CARMIL1: variants seen among roughly 807,000 people sequenced by gnomAD.
CARMIL1 encodes capping protein regulator and myosin 1 linker 1, also known as F-actin-uncapping protein LRRC16A.
In CARMIL1, 90 loss-of-function variants were observed where a neutral mutation model predicts 177.1. The observed-to-expected ratio is 0.51, with a 90% CI of 0.43 to 0.61. The LOEUF (loss-of-function observed/expected upper bound fraction) is 0.61. Among genes scored for constraint, CARMIL1 ranks in the 20% least tolerant of loss-of-function variants. The probability of loss-of-function intolerance (pLI) is 0.00; values close to 1 mark genes in which losing one functional copy is unlikely to be tolerated. For missense variants in CARMIL1, 1,380 were observed against 1,667.0 expected, an observed-to-expected ratio of 0.83 and a Z score of 3.00; for synonymous variants, 577 against 606.2, an observed-to-expected ratio of 0.95 and a Z score of 0.71.
chr6:25,598,617 C>A (rs770008544), intron 32 of CARMIL1, among the ~76,000 whole-genome samples: 1 of 152,086 alleles, frequency 6.6e-6, no homozygotes, highest in Non-Finnish European at 1.5e-5. Context: ...TCTTTATATT[C>A]CCTTTGTTTT....
At chr6:25,323,501 C>T (rs910776843) in intron 2 of CARMIL1, among the ~76,000 whole-genome samples, 27 of 151,602 alleles carry the variant, frequency 1.8e-4, no homozygotes, top group South Asian at 8.3e-4. Context: ...CCCAGCTACT[C>T]GGGAGGCTGA....
At chr6:25,587,128 T>A (rs917690843) in intron 31 of CARMIL1, among the ~76,000 whole-genome samples, 7 of 152,152 alleles carry the variant, frequency 4.6e-5, no homozygotes, top group African/African-American at 1.7e-4. Flanking sequence ...CAAACCACAG[T>A]CATTTTGAGA....
chr6:25,510,856 T>A, intron 20 of CARMIL1, 94 bp downstream of exon 20: 1 of 726,632 alleles, frequency 1.4e-6, no homozygotes, highest in South Asian at 2.0e-5. Context: ...TACTTTCAGA[T>A]AGTTTTATCA....
At chr6:25,448,298 G>A (rs562155431) in intron 5 of CARMIL1, among the ~76,000 whole-genome samples, 4 of 152,234 alleles carry the variant, frequency 2.6e-5, no homozygotes, top group East Asian at 3.9e-4. Flanking sequence ...CCTGTGAGGC[G>A]CACCATGGCC....
At chr6:25,494,477 C>T (rs767635706) in intron 15 of CARMIL1, among the ~76,000 whole-genome samples, 1 of 152,144 alleles carries the variant, frequency 6.6e-6, no homozygotes, top group African/African-American at 2.4e-5. Flanking sequence ...ATGATTTGAT[C>T]CACATACTTT....
intron 5 of CARMIL1, among the ~76,000 whole-genome samples, chr6:25,446,302 T>C (rs1033231515): frequency 6.6e-6 from 1 of 152,254 alleles, no homozygotes; most frequent in Non-Finnish European, 1.5e-5. Flanking sequence ...TTCATCTACA[T>C]TGAAAATCAG....
At chr6:25,470,924 A>G (rs539535274) in intron 9 of CARMIL1, among the ~76,000 whole-genome samples, 21 of 152,284 alleles carry the variant, frequency 1.4e-4, no homozygotes, top group African/African-American at 4.8e-4. Context: ...AACTCTGACC[A>G]TAGCATTCTT....
Position 25,577,449 on chromosome 6 carries a change from A to AT in CARMIL1, c.2743-3465dup, listed in dbSNP as rs944364557. Among the ~76,000 whole-genome samples the AT allele has an allele frequency of 8.0e-4, 119 of 148,690 alleles. No individual in the cohort carries two copies. The highest frequency in any genetic ancestry group is 2.6e-3 in the African/African-American group (105 of 40,540). The stretch of plus-strand genomic sequence containing the variant: ...AATCTTCTTCTCAGCTGGTATTGTT[A>AT]TTTTTTTTTTCTTTCTACAGCCTTG... On this transcript the variant is annotated intron_variant, in intron 29 of 36. Transcript: ENST00000329474. This position sits in a 1 kb window ranked among gnomAD's most constrained non-coding sequence, Gnocchi z 4.5.
intron 6 of CARMIL1, 82 bp downstream of exon 6, chr6:25,450,077 C>G: frequency 8.5e-7 from 1 of 1,183,178 alleles, no homozygotes. Context: ...TCCTAGTGTG[C>G]TACTGTAAAG....
intron 2 of CARMIL1, among the ~76,000 whole-genome samples, chr6:25,377,469 T>C (rs1791104836): frequency 1.3e-5 from 2 of 152,194 alleles, no homozygotes; most frequent in Non-Finnish European, 2.9e-5. Flanking sequence ...GCAACTCTTA[T>C]CTGGGTCTAG....
chr6:25,456,702 T>C (rs1799560503), intron 8 of CARMIL1, among the ~76,000 whole-genome samples: 2 of 152,184 alleles, frequency 1.3e-5, no homozygotes, highest in African/African-American at 2.4e-5. Flanking sequence ...GAAGAAAATA[T>C]ATAGCTTTAA....
chr6:25,468,201 T>TAA (rs34221543), intron 9 of CARMIL1, among the ~76,000 whole-genome samples: 6 of 149,588 alleles, frequency 4.0e-5, no homozygotes, highest in Middle Eastern at 3.4e-3. Flanking sequence ...CAAGGATTTT[T>TAA]AAAAAAAAAA....
rs1012971335 is a variant in CARMIL1, at chr6:25,432,920, G to A, written c.250-2563G>A. On this transcript the variant is annotated intron_variant, in intron 4 of 36. Coordinates refer to ENST00000329474, the MANE Select transcript of CARMIL1 (RefSeq NM_017640.6). ...GGCTTATATCTCTATTATTTTAAAT[G>A]TATATTAGATATCATGGGTTATATC... 3.9e-5 allele frequency: 6 copies of A among 152,180 alleles called. No homozygotes were observed. The East Asian group carries it at 9.7e-4, about 24-fold the overall frequency. The allele number at this position is 152,180 out of a possible 1,614,324, so 9.4% of individuals were successfully genotyped here.
At chr6:25,581,186 C>G in intron 30 of CARMIL1, 57 bp from the exon 31 acceptor site, 5 of 1,507,114 alleles carry the variant, frequency 3.3e-6, no homozygotes, top group Non-Finnish European at 4.5e-6. Flanking sequence ...TTATCCATCT[C>G]TATGCATTAA....
At chr6:25,500,259 A>G in intron 17 of CARMIL1, 24 bp downstream of exon 17, 1 of 1,599,064 alleles carries the variant, frequency 6.3e-7, no homozygotes, top group Non-Finnish European at 8.6e-7. Flanking sequence ...TAGATTGTAT[A>G]CTGGAATAGA....
In CARMIL1 at chr6:25,456,982, A is replaced by AT. The variant is rs112794224; in HGVS notation, c.614+6287dup. Among the ~76,000 whole-genome samples, 655 of 139,806 alleles carry AT rather than the reference A, an allele frequency of 4.7e-3. 1 individual carries two copies. Among genetic ancestry groups the AT allele is most frequent in the South Asian group, 0.017 (74 of 4,394 alleles). The allele number at this position is 139,806 out of a possible 152,430, so 91.7% of individuals were successfully genotyped here. On this transcript the variant is annotated intron_variant, in intron 8 of 36. Transcript: ENST00000329474. Reference sequence around the variant, plus strand: ...GTCATTTTTTCCTAATCAAAGCTCCATTTTTTTTTTTTTTTTAATTCCTGG... The same window carrying AT: ...GTCATTTTTTCCTAATCAAAGCTCCATTTTTTTTTTTTTTTTTAATTCCTGG...
intron 2 of CARMIL1, among the ~76,000 whole-genome samples, chr6:25,357,451 G>GAGAT (rs578049719): frequency 1.4e-3 from 220 of 152,206 alleles, no homozygotes; most frequent in African/African-American, 5.1e-3. Context: ...GGATGTGTTG[G>GAGAT]TACATGCTTG....
intron 31 of CARMIL1, among the ~76,000 whole-genome samples, chr6:25,589,970 A>G (rs775002216): frequency 2.0e-5 from 3 of 152,222 alleles, no homozygotes; most frequent in Non-Finnish European, 4.4e-5. Flanking sequence ...CAGGGAATCT[A>G]AACTACCCGG....
At chr6:25,382,998 G>C (rs546951208) in intron 2 of CARMIL1, among the ~76,000 whole-genome samples, 1 of 152,136 alleles carries the variant, frequency 6.6e-6, no homozygotes, top group African/African-American at 2.4e-5. Flanking sequence ...AGGGCAGTCT[G>C]TGAAAGAGAG....
Sources: allele counts gnomAD v4.1 joint callset (sites outside exome capture counted in the v4.1 genomes callset), GRCh38; gene constraint gnomAD v4.1.1; non-coding constraint Gnocchi (gnomAD v3.1); transcripts MANE v1.5; gene names NCBI Gene and HGNC (gene_info 2026-07-23, HGNC 2026-07-21).